The following FLVCR2 variants were observed in gnomAD, a reference collection of about 807,000 sequenced individuals.
FLVCR2 encodes FLVCR choline and putative heme transporter 2, also known as choline/ethanolamine transporter FLVCR2.
Under a neutral mutation model 48.9 loss-of-function variants are expected in FLVCR2, and 38 were observed. That is an observed-to-expected ratio of 0.78 (90% CI 0.60 to 1.02). FLVCR2 has a LOEUF of 1.02. Among genes scored for constraint, FLVCR2 ranks in the 50% least tolerant of loss-of-function variants. The pLI, the probability that FLVCR2 is intolerant of heterozygous loss-of-function variation, is 0.00. For synonymous variants in FLVCR2, 255 were observed against 257.0 expected (o/e 0.99, Z 0.07); for missense variants, 664 against 663.3 (o/e 1.00, Z -0.01).
Position 75,579,080 on chromosome 14 carries a change from T to TCAAC in FLVCR2, c.109_110insAACC (p.Pro37GlnfsTer34). The TCAAC allele has an allele frequency of 6.2e-7, 1 of 1,612,200 alleles. No homozygotes were observed. The highest frequency in any genetic ancestry group is 1.1e-5 in the South Asian group (1 of 91,012). On this transcript the variant is annotated frameshift_variant, in exon 1 of 10. Transcript: ENST00000238667. LOFTEE classifies it high-confidence loss of function. ...CGGTCCATCCCAGCGTCTCGGTCCA[T>TCAAC]CCCAGCGTCTCCATCAACCCCAGCG...
chr14:75,614,643 A>C (rs549387125), intron 1 of FLVCR2, among the ~76,000 whole-genome samples: 2 of 152,344 alleles, frequency 1.3e-5, no homozygotes, highest in African/African-American at 4.8e-5. Flanking sequence ...TCTGGAAAGG[A>C]AGGTTGAAAC....
chr14:75,588,412 C>T (rs890023674), intron 1 of FLVCR2, among the ~76,000 whole-genome samples: 1 of 152,160 alleles, frequency 6.6e-6, no homozygotes, highest in South Asian at 2.1e-4. Context: ...ACTTAATCAC[C>T]TCTTAAAGGT....
chr14:75,579,743 G>T (rs1055628250), intron 1 of FLVCR2, 102 bp downstream of exon 1: 2 of 1,250,294 alleles, frequency 1.6e-6, no homozygotes, highest in Non-Finnish European at 1.1e-6. Flanking sequence ...AACAGTGTTT[G>T]TGACTCTGGG....
At chr14:75,637,806 G>C (rs1232016686) in intron 5 of FLVCR2, among the ~76,000 whole-genome samples, 1 of 152,082 alleles carries the variant, frequency 6.6e-6, no homozygotes, top group Non-Finnish European at 1.5e-5. Flanking sequence ...TGGTAGGGGG[G>C]CAGAGGGATG....
At chr14:75,640,927 C>A in intron 6 of FLVCR2, 28 bp from the exon 7 acceptor site, 1 of 1,505,684 alleles carries the variant, frequency 6.6e-7, no homozygotes, top group Non-Finnish European at 9.2e-7. Flanking sequence ...AGTTCTTCAT[C>A]CCCTTGTTTC....
intron 1 of FLVCR2, among the ~76,000 whole-genome samples, chr14:75,620,691 T>A (rs182537009): frequency 1.3e-5 from 2 of 152,230 alleles, no homozygotes; most frequent in African/African-American, 4.8e-5. Context: ...ATGCATTTGG[T>A]TAATTGATTA....
intron 1 of FLVCR2, among the ~76,000 whole-genome samples, chr14:75,585,197 A>T (rs1396257849): frequency 6.6e-6 from 1 of 152,088 alleles, no homozygotes; most frequent in African/African-American, 2.4e-5. Context: ...GAGAAAGAAG[A>T]AAGATGTGGG....
intron 1 of FLVCR2, among the ~76,000 whole-genome samples, chr14:75,585,381 T>A (rs957923757): frequency 1.3e-5 from 2 of 152,076 alleles, no homozygotes; most frequent in Non-Finnish European, 2.9e-5. Flanking sequence ...AAGTTTGTAT[T>A]GGGGCCAAGC....
chr14:75,636,958 G>A (rs1447587061), intron 5 of FLVCR2, among the ~76,000 whole-genome samples: 1 of 152,250 alleles, frequency 6.6e-6, no homozygotes, highest in South Asian at 2.1e-4. Context: ...GCTTTCAGCA[G>A]AGTTGGTAGG....
chr14:75,582,589 G>A (rs953078900), intron 1 of FLVCR2, among the ~76,000 whole-genome samples: 7 of 152,206 alleles, frequency 4.6e-5, no homozygotes, highest in African/African-American at 1.7e-4. Flanking sequence ...CAAGTTGTTT[G>A]GACAGAAAGG....
intron 1 of FLVCR2, among the ~76,000 whole-genome samples, chr14:75,597,939 G>A (rs1889066343): frequency 6.6e-6 from 1 of 152,058 alleles, no homozygotes; most frequent in Non-Finnish European, 1.5e-5. Flanking sequence ...ACCACGAGGA[G>A]GAAAGAGCAG....
intron 5 of FLVCR2, among the ~76,000 whole-genome samples, chr14:75,636,748 C>T (rs948051072): frequency 6.6e-6 from 1 of 152,232 alleles, no homozygotes; most frequent in Non-Finnish European, 1.5e-5. Flanking sequence ...ATTTCGGAGC[C>T]AGTCCTCGTC....
At chr14:75,630,702 A>G (rs1890020700) in intron 3 of FLVCR2, among the ~76,000 whole-genome samples, 1 of 152,214 alleles carries the variant, frequency 6.6e-6, no homozygotes, top group South Asian at 2.1e-4. Flanking sequence ...TTTTTTACAA[A>G]GAAAAAAATT....
At chr14:75,605,043 G>A (rs536751851) in intron 1 of FLVCR2, among the ~76,000 whole-genome samples, 13 of 152,236 alleles carry the variant, frequency 8.5e-5, no homozygotes, top group African/African-American at 3.1e-4. Flanking sequence ...AGGGGTAGGG[G>A]GACCGGGCGG....
At chr14:75,604,055 C>G (rs1003936213) in intron 1 of FLVCR2, 2 of 152,246 alleles carry the variant, frequency 1.3e-5, no homozygotes, top group East Asian at 3.8e-4. Flanking sequence ...GGAGAAGATT[C>G]TCATGCCTGG....
chr14:75,589,400 T>A (rs1216151736), intron 1 of FLVCR2, among the ~76,000 whole-genome samples: 1 of 152,188 alleles, frequency 6.6e-6, no homozygotes, highest in East Asian at 1.9e-4. Context: ...TGGAGAATAA[T>A]CTTCTTTGAC....
intron 5 of FLVCR2, among the ~76,000 whole-genome samples, chr14:75,637,286 A>C (rs1312835135): frequency 6.6e-6 from 1 of 152,222 alleles, no homozygotes; most frequent in Non-Finnish European, 1.5e-5. Context: ...ATTTTTGTAA[A>C]GGTTGAATTG....
chr14:75,621,366 C>T (rs1182591964), intron 1 of FLVCR2, among the ~76,000 whole-genome samples: 1 of 151,098 alleles, frequency 6.6e-6, no homozygotes, highest in African/African-American at 2.4e-5. Context: ...CGAGATTGCG[C>T]CACTGCACTC....
chr14:75,648,134 C>G lies in FLVCR2; in HGVS notation c.*1662C>G, dbSNP rs1285328759. 6.6e-6 allele frequency: 1 copy of G among 152,616 alleles called. No individual in the cohort carries two copies. The highest frequency in any genetic ancestry group is 1.5e-5 in the Non-Finnish European group (1 of 68,044). 9.5% of individuals were successfully genotyped at this position (152,616 alleles called of 1,614,324 possible). On this transcript the variant is annotated 3_prime_UTR_variant, in exon 10 of 10. Coordinates refer to ENST00000238667, the MANE Select transcript of FLVCR2 (RefSeq NM_017791.3). Reference sequence around the variant, plus strand: ...AATTTGTGTTTTCTATTTGTAAGATCTGACATTTCGAGGCAATAAAAACTT... The same window carrying G: ...AATTTGTGTTTTCTATTTGTAAGATGTGACATTTCGAGGCAATAAAAACTT...
Sources: allele counts gnomAD v4.1 joint callset (sites outside exome capture counted in the v4.1 genomes callset), GRCh38; gene constraint gnomAD v4.1.1; transcripts MANE v1.5; gene names NCBI Gene and HGNC (gene_info 2026-07-23, HGNC 2026-07-21).